CATSPERE: variants seen among roughly 807,000 people sequenced by gnomAD.
CATSPERE encodes the protein cation channel sperm-associated auxiliary subunit epsilon.
Under a neutral mutation model 114.1 loss-of-function variants are expected in CATSPERE, and 93 were observed. That is an observed-to-expected ratio of 0.81 (90% CI 0.69 to 0.97). CATSPERE has a LOEUF of 0.97. CATSPERE is among the 50% of genes least tolerant of loss of function. The pLI is 0.00. For synonymous variants in CATSPERE, 341 were observed against 384.1 expected (o/e 0.89, Z 1.31); for missense variants, 1,058 against 1,131.6 (o/e 0.93, Z 0.93).
At chr1:244,630,429 A>G (rs1448822289) in intron 20 of CATSPERE, among the ~76,000 whole-genome samples, 5 of 152,190 alleles carry the variant, frequency 3.3e-5, no homozygotes, top group African/African-American at 7.2e-5. Flanking sequence ...GGAGGAGGGA[A>G]TAATTTGCTA....
At chr1:244,636,117 A>T (rs1190594937) in intron 21 of CATSPERE, among the ~76,000 whole-genome samples, 1 of 152,148 alleles carries the variant, frequency 6.6e-6, no homozygotes, top group Non-Finnish European at 1.5e-5. Flanking sequence ...GTCAGCTTTC[A>T]ACCATAGACC....
intron 7 of CATSPERE, among the ~76,000 whole-genome samples, chr1:244,507,583 CCT>C (rs760130713): frequency 1.3e-5 from 2 of 152,102 alleles, no homozygotes; most frequent in Non-Finnish European, 2.9e-5. Context: ...TAAAGCATTT[CCT>C]CTGTTTTCTT....
Position 244,491,050 on chromosome 1 carries a change from A to C in CATSPERE, c.351+579A>C, listed in dbSNP as rs191976361. On this transcript the variant is annotated intron_variant, in intron 6 of 21. Coordinates refer to ENST00000366534, the MANE Select transcript of CATSPERE (RefSeq NM_001130957.2). ...AGACAGATCAACGAGACAGAAAGTT[A>C]ACAAGGATACCCAGGAATTGAACTC... is the stretch of plus-strand genomic sequence containing the variant. 9.8e-3 allele frequency among the ~76,000 whole-genome samples: 1,499 copies of C among 152,276 alleles called. 26 individuals carry two copies. The highest frequency in any genetic ancestry group is 0.034 in the African/African-American group (1,403 of 41,546).
Position 244,637,595 on chromosome 1 carries a change from C to T in CATSPERE, c.2702+2053C>T, listed in dbSNP as rs570388411. Among the ~76,000 whole-genome samples the T allele has an allele frequency of 5.3e-5, 8 of 152,284 alleles. No homozygotes were observed. In the South Asian group the frequency reaches 1.7e-3, roughly 32 times the overall value. ...ACCCTTACTGGAACCTCCACCTCTA[C>T]TTCCAATCTCTCTTTTTTTACTTTG... On this transcript the variant is annotated intron_variant, in intron 21 of 21. Coordinates refer to ENST00000366534, the MANE Select transcript of CATSPERE (RefSeq NM_001130957.2).
chr1:244,606,343 T>C (rs1277111114), intron 18 of CATSPERE, among the ~76,000 whole-genome samples: 1 of 151,770 alleles, frequency 6.6e-6, no homozygotes, highest in Non-Finnish European at 1.5e-5. Flanking sequence ...ACATTTCCCC[T>C]CCCTGTGTGG....
At chr1:244,509,331 C>A (rs558009995) in intron 7 of CATSPERE, among the ~76,000 whole-genome samples, 1 of 151,958 alleles carries the variant, frequency 6.6e-6, no homozygotes, top group African/African-American at 2.4e-5. Context: ...TCTGTTAAGA[C>A]AATCATATGG....
intron 19 of CATSPERE, among the ~76,000 whole-genome samples, chr1:244,614,786 C>T (rs1671166212): frequency 6.6e-6 from 1 of 152,114 alleles, no homozygotes; most frequent in Non-Finnish European, 1.5e-5. Flanking sequence ...CCTTCTCCTC[C>T]TCATCTTTTT....
In CATSPERE at chr1:244,568,706, G is replaced by T. The variant is rs2148562680; in HGVS notation, c.1508-3624G>T. Among the ~76,000 whole-genome samples, 1 of 152,252 alleles carries T rather than the reference G, an allele frequency of 6.6e-6. No homozygotes were observed. The highest frequency in any genetic ancestry group is 2.4e-5 in the African/African-American group (1 of 41,550). ...ACGCTCCTACCCCCACCAAGTTCGG[G>T]TGTCCCAGGTCACTTCAGACTGCTG... On this transcript the variant is annotated intron_variant, in intron 10 of 21. Transcript: ENST00000366534. This position sits in a 1 kb window ranked among gnomAD's most constrained non-coding sequence, Gnocchi z 4.4.
chr1:244,487,834 T>C (rs1052057219), intron 5 of CATSPERE, among the ~76,000 whole-genome samples: 1 of 152,154 alleles, frequency 6.6e-6, no homozygotes, highest in Non-Finnish European at 1.5e-5. Flanking sequence ...TCGTCCCCAG[T>C]GCATGCTTCA....
intron 7 of CATSPERE, among the ~76,000 whole-genome samples, chr1:244,508,842 A>AC: frequency 6.6e-6 from 1 of 150,982 alleles, no homozygotes; most frequent in East Asian, 1.9e-4. Context: ...AAAAAAAAAA[A>AC]AAAAAAAAAT....
intron 10 of CATSPERE, among the ~76,000 whole-genome samples, chr1:244,569,517 C>T (rs1279384441): frequency 6.6e-6 from 1 of 152,038 alleles, no homozygotes; most frequent in Non-Finnish European, 1.5e-5. Flanking sequence ...CTTCCTGTAA[C>T]TTTTTGGAGG....
At chr1:244,554,514 A>AC (rs1365823258) in intron 9 of CATSPERE, among the ~76,000 whole-genome samples, 1 of 152,150 alleles carries the variant, frequency 6.6e-6, no homozygotes, top group Non-Finnish European at 1.5e-5. Context: ...ACATGGTGAG[A>AC]CCCCATCTCT....
At chr1:244,580,117 A>T (rs1310095061) in intron 11 of CATSPERE, among the ~76,000 whole-genome samples, 1 of 151,778 alleles carries the variant, frequency 6.6e-6, no homozygotes, top group African/African-American at 2.4e-5. Context: ...GTTCACCGCA[A>T]CCTCTGCTCC....
chr1:244,499,030 A>G lies in CATSPERE; in HGVS notation c.380A>G (p.Glu127Gly). 6.2e-7 allele frequency: 1 copy of G among 1,613,230 alleles called. No homozygotes were observed. The highest frequency in any genetic ancestry group is 8.5e-7 in the Non-Finnish European group (1 of 1,179,242). ...ATCACTGTGTGGGCATATGATCCAGAAAGTGCAGATCCTGATGAGTTGCTG... is the reference window on the plus strand; with the variant it reads ...ATCACTGTGTGGGCATATGATCCAGGAAGTGCAGATCCTGATGAGTTGCTG... ...QLITVWAYDP[E>G]SADPDELLGN... is the part of the protein sequence containing the mutation. The change falls in exon 7 of 22, where the codon GAA becomes GGA. Residue 127 changes from glutamate (E) to glycine (G), a missense_variant. Physicochemically the swap from Glu to Gly is moderately conservative, Grantham distance 98 (BLOSUM62 -2). This residue lies in a region of CATSPERE where 271 missense variants were observed against 225.9 expected (regional missense o/e 1.20). Transcript: ENST00000366534.
intron 5 of CATSPERE, among the ~76,000 whole-genome samples, chr1:244,488,051 G>C (rs765856256): frequency 3.3e-5 from 5 of 152,072 alleles, no homozygotes; most frequent in Admixed American, 2.0e-4. Context: ...AAACTCTCTT[G>C]CTTTCTTCTT....
chr1:244,554,225 GT>G (rs1437896364), intron 9 of CATSPERE, among the ~76,000 whole-genome samples: 3 of 152,184 alleles, frequency 2.0e-5, no homozygotes, highest in African/African-American at 7.2e-5. Context: ...TTGTATGGTA[GT>G]TATATATTTA....
At chr1:244,507,964 T>C (rs1482933610) in intron 7 of CATSPERE, among the ~76,000 whole-genome samples, 1 of 152,226 alleles carries the variant, frequency 6.6e-6, no homozygotes, top group Admixed American at 6.5e-5. Context: ...TCTTTTGTGG[T>C]TCCATATGAA....
At chr1:244,522,170 G>A (rs955100413) in intron 8 of CATSPERE, among the ~76,000 whole-genome samples, 2 of 152,100 alleles carry the variant, frequency 1.3e-5, no homozygotes, top group Non-Finnish European at 2.9e-5. Context: ...TAGAACTCAG[G>A]ATTAAGAATC....
At chr1:244,466,974 AACCCTTGAGGGT>A (rs1437118292) in intron 2 of CATSPERE, among the ~76,000 whole-genome samples, 1 of 152,202 alleles carries the variant, frequency 6.6e-6, no homozygotes, top group East Asian at 1.9e-4. Flanking sequence ...AGTCGTTCAG[AACCCTTGAGGGT>A]TCCTGGTTTC....
Sources: gnomAD v4.1 joint callset for allele counts (sites outside exome capture counted in the v4.1 genomes callset) on GRCh38, gnomAD v4.1.1 for gene constraint, gnomAD v4.1.1 regional missense constraint, Gnocchi (gnomAD v3.1) non-coding constraint, MANE v1.5 for transcripts, NCBI Gene and HGNC (gene_info 2026-07-23, HGNC 2026-07-21) for gene names.